The following CHLSN variants were observed in gnomAD, a reference collection of about 807,000 sequenced individuals.
CHLSN encodes protein cholesin.
At chr7:1,028,149 ACGGCCTCCCACGGGAGCGCC>A in the CHLSN span, 1 of 758,908 alleles carries the variant, frequency 1.3e-6, no homozygotes, top group Non-Finnish European at 1.6e-6. Flanking sequence ...TCTGGACGCC[ACGGCCTCCCACGGGAGCGCC>A]CACCTGTCGC....
At chr7:1,062,525 G>GT in the CHLSN span, among the ~76,000 whole-genome samples, 4 of 152,212 alleles carry the variant, frequency 2.6e-5, no homozygotes, top group African/African-American at 9.7e-5. Flanking sequence ...AGCAGAGGGA[G>GT]TACCTTGGCT....
chr7:1,002,232 GAGTCCTGCGGGTGAGTGGAGTCCT>G, the CHLSN span, among the ~76,000 whole-genome samples: 1 of 117,022 alleles, frequency 8.5e-6, no homozygotes. Flanking sequence ...CGGGTGAGTG[GAGTCCTGCGGGTGAGTGGAGTCCT>G]GTGGGTGAGT....
chr7:1,108,729 G>A, the CHLSN span, among the ~76,000 whole-genome samples: 1 of 152,132 alleles, frequency 6.6e-6, no homozygotes, highest in Admixed American at 6.5e-5. Flanking sequence ...CCGGGTTGCC[G>A]TGTCACTGCT....
At chr7:1,127,171 A>G in the CHLSN span, 1 of 1,468,776 alleles carries the variant, frequency 6.8e-7, no homozygotes, top group Non-Finnish European at 9.0e-7. Flanking sequence ...CACAGAGACC[A>G]GCAGGCTGAG....
At chr7:1,118,056 T>A in the CHLSN span, among the ~76,000 whole-genome samples, 3 of 152,202 alleles carry the variant, frequency 2.0e-5, no homozygotes. Flanking sequence ...AGAGCCACAC[T>A]ATGTTTCCTT....
chr7:994,488 C>G, the CHLSN span, among the ~76,000 whole-genome samples: 1 of 152,138 alleles, frequency 6.6e-6, no homozygotes, highest in Admixed American at 6.5e-5. Context: ...TTTTTAGATG[C>G]CGGCTCTTGC....
At chr7:1,099,365 C>T in the CHLSN span, among the ~76,000 whole-genome samples, 4 of 152,392 alleles carry the variant, frequency 2.6e-5, no homozygotes, top group Non-Finnish European at 5.9e-5. Flanking sequence ...TGGTGGGCCA[C>T]GGGGACGCCA....
At chr7:1,084,756 G>A in the CHLSN span, among the ~76,000 whole-genome samples, 6 of 152,224 alleles carry the variant, frequency 3.9e-5, no homozygotes, top group African/African-American at 1.2e-4. Context: ...GACGTTGCCC[G>A]GTATCACACA....
At chr7:1,081,225 G>A in the CHLSN span, among the ~76,000 whole-genome samples, 123 of 152,346 alleles carry the variant, frequency 8.1e-4, no homozygotes, top group Non-Finnish European at 1.4e-3. Context: ...TGCCTAGGCC[G>A]GGTGGGGGTG....
the CHLSN span, among the ~76,000 whole-genome samples, chr7:1,054,378 T>A: frequency 6.6e-6 from 1 of 152,170 alleles, no homozygotes; most frequent in Admixed American, 6.5e-5. Flanking sequence ...CCTTCAGTAT[T>A]TGTCAGCTGC....
At chr7:1,031,987 A>G in the CHLSN span, among the ~76,000 whole-genome samples, 1 of 152,220 alleles carries the variant, frequency 6.6e-6, no homozygotes, top group Admixed American at 6.5e-5. Flanking sequence ...TTCCCCAGGT[A>G]ATGAGAATTC....
the CHLSN span, chr7:1,023,062 G>A: frequency 6.7e-6 from 3 of 446,596 alleles, no homozygotes; most frequent in Admixed American, 7.2e-5. The surrounding 1 kb of genome is among the most constrained non-coding windows in gnomAD (Gnocchi z 5.0). Flanking sequence ...TGCCACCCCT[G>A]CAGAGCATGG....
the CHLSN span, chr7:1,023,094 G>A: frequency 2.9e-5 from 12 of 413,410 alleles, no homozygotes; most frequent in East Asian, 3.8e-4. This position sits in a 1 kb window ranked among gnomAD's most constrained non-coding sequence, Gnocchi z 5.0. Context: ...CCATGGTGCC[G>A]TGGCAATGGG....
chr7:1,031,224 C>T, the CHLSN span, among the ~76,000 whole-genome samples: 2 of 152,342 alleles, frequency 1.3e-5, no homozygotes, highest in Middle Eastern at 6.8e-3. Flanking sequence ...AAGATGCGTG[C>T]CCATTGAGAG....
chr7:1,010,727 C>T, the CHLSN span, among the ~76,000 whole-genome samples: 5 of 152,202 alleles, frequency 3.3e-5, no homozygotes, highest in African/African-American at 9.6e-5. Flanking sequence ...CAGGAAAGCA[C>T]AGGCCCTCCG....
chr7:1,037,429 G>A, the CHLSN span, among the ~76,000 whole-genome samples: 1 of 123,836 alleles, frequency 8.1e-6, no homozygotes, highest in Non-Finnish European at 1.8e-5. Context: ...TGGTTTTGGT[G>A]GAGACGGGGT....
the CHLSN span, chr7:987,583 C>T: frequency 2.7e-5 from 39 of 1,445,702 alleles, no homozygotes; most frequent in East Asian, 5.3e-4. Context: ...TAGGCCTCGG[C>T]GGGGGTCCAG....
the CHLSN span, chr7:983,465 G>A: frequency 2.8e-4 from 357 of 1,297,482 alleles, 4 homozygotes; most frequent in East Asian, 0.01. Context: ...AGCCCAGCCC[G>A]GTTTCCACTG....
the CHLSN span, among the ~76,000 whole-genome samples, chr7:1,069,306 G>T: frequency 1.3e-5 from 2 of 152,092 alleles, no homozygotes; most frequent in African/African-American, 2.4e-5. Context: ...ACTCCAGCCT[G>T]GGCGACAGAG....
Sources: allele counts gnomAD v4.1 joint callset (sites outside exome capture counted in the v4.1 genomes callset), GRCh38; gene constraint gnomAD v4.1.1; non-coding constraint Gnocchi (gnomAD v3.1); transcripts MANE v1.5; gene names NCBI Gene and HGNC (gene_info 2026-07-23, HGNC 2026-07-21).